The following OSBPL10 variants were observed in gnomAD, a reference collection of about 807,000 sequenced individuals.
The protein encoded by OSBPL10 is oxysterol binding protein like 10.
In OSBPL10, 49 loss-of-function variants were observed where a neutral mutation model predicts 81.7. The observed-to-expected ratio is 0.60, with a 90% CI of 0.48 to 0.76. OSBPL10 has a LOEUF of 0.76. Ranked by LOEUF, OSBPL10 falls within the 30% of genes least tolerant of loss-of-function variation. The probability of loss-of-function intolerance (pLI) is 0.00; values close to 1 mark genes in which losing one functional copy is unlikely to be tolerated. For missense variants in OSBPL10, 923 were observed against 987.8 expected (o/e 0.93, Z 0.88); for synonymous variants, 419 against 383.6 (o/e 1.09, Z -1.08).
At position 31,917,019 on chromosome 3, in the gene OSBPL10, AAAT is replaced by A. The variant is rs145035337; in HGVS notation, c.282-37192_282-37190del. Among the ~76,000 whole-genome samples the A allele has an allele frequency of 0.016, 2,462 of 152,314 alleles. 236 individuals are homozygous for A. In the East Asian group the frequency reaches 0.26, roughly 16 times the overall value. On this transcript the variant is annotated intron_variant, in intron 1 of 11. Transcript: ENST00000396556. Reference sequence around the variant, plus strand: ...AAGCCTCTCCAAAAGCATTTCTTCTAAATAATGTGAGGCTGTGCCTCCTTGCAT... The same window carrying A: ...AAGCCTCTCCAAAAGCATTTCTTCTAAATGTGAGGCTGTGCCTCCTTGCAT...
Position 31,980,928 on chromosome 3 carries a change from G to A in OSBPL10, c.252C>T (p.Tyr84=), listed in dbSNP as rs1278416950. The change falls in exon 1 of 12, where the codon TAC becomes TAT. Residue 84 remains tyrosine (Y), a synonymous_variant. Transcript: ENST00000396556. ...EPALEGVLSK[Y]TNLLQGWQNR... The stretch of plus-strand genomic sequence containing the variant: ...TCTGCCAGCCCTGGAGGAGGTTGGT[G>A]TATTTGCTGAGCACGCCCTCGAGCG... The A allele has an allele frequency of 2.5e-6, 4 of 1,581,008 alleles. No individual in the cohort carries two copies. The highest frequency in any genetic ancestry group is 3.4e-6 in the Non-Finnish European group (4 of 1,167,084).
At chr3:31,671,739 G>T in intron 8 of OSBPL10, among the ~76,000 whole-genome samples, 1 of 152,132 alleles carries the variant, frequency 6.6e-6, no homozygotes, top group Non-Finnish European at 1.5e-5. Context: ...TCCTCTCAAA[G>T]CAATGCAGAA....
intron 5 of OSBPL10, among the ~76,000 whole-genome samples, chr3:31,741,806 G>A (rs914526983): frequency 3.3e-5 from 5 of 152,024 alleles, no homozygotes; most frequent in South Asian, 4.2e-4. Flanking sequence ...TGAATCATGC[G>A]GCAGGTCTAT....
chr3:32,072,031 C>G (rs1037300673), intron 1 of OSBPL10, among the ~76,000 whole-genome samples: 2 of 152,106 alleles, frequency 1.3e-5, no homozygotes, highest in Non-Finnish European at 2.9e-5. Context: ...ACCACTCTGC[C>G]CCCCTCTACT....
chr3:31,871,494 G>T (rs528260444), intron 3 of OSBPL10, among the ~76,000 whole-genome samples: 1 of 152,214 alleles, frequency 6.6e-6, no homozygotes, highest in Non-Finnish European at 1.5e-5. Flanking sequence ...TGAAGTCAGT[G>T]AGACCAAGAA....
At chr3:31,675,921 G>A (rs1164099010) in intron 8 of OSBPL10, among the ~76,000 whole-genome samples, 1 of 147,250 alleles carries the variant, frequency 6.8e-6, no homozygotes, top group Non-Finnish European at 1.5e-5. Context: ...ACTGCAGCCT[G>A]GGCGACAGAG....
rs9860347 is a variant in OSBPL10 at position 31,817,726 on chromosome 3, T to A, written c.729+12314A>T. Among the ~76,000 whole-genome samples the A allele has an allele frequency of 3.3e-5, 5 of 152,066 alleles. No individual in the cohort carries two copies. In the South Asian group the frequency reaches 1.0e-3, roughly 32 times the overall value. On this transcript the variant is annotated intron_variant, in intron 4 of 11. Transcript: ENST00000396556. ...GCCTGGGTCTGGACTGCGGTTTGGG[T>A]GACTGCAGCAGCACCCGGGGAGCTC...
intron 7 of OSBPL10, among the ~76,000 whole-genome samples, chr3:31,695,467 T>G (rs1341189281): frequency 6.6e-6 from 1 of 152,134 alleles, no homozygotes; most frequent in Non-Finnish European, 1.5e-5. Context: ...CCTTGTGGTC[T>G]CACTTCCCTC....
At chr3:31,749,298 C>T (rs1348824536) in intron 4 of OSBPL10, among the ~76,000 whole-genome samples, 2 of 152,158 alleles carry the variant, frequency 1.3e-5, no homozygotes, top group Non-Finnish European at 2.9e-5. Flanking sequence ...TACCTGCTAT[C>T]GGCGATTACT....
At chr3:31,988,897 G>A (rs766098277) in intron 2 of OSBPL10, 1 of 712,234 alleles carries the variant, frequency 1.4e-6, no homozygotes, top group Non-Finnish European at 2.3e-6. Flanking sequence ...ACTGAGCCAG[G>A]AACACCCAGC....
chr3:31,715,084 C>G (rs1696391926), intron 6 of OSBPL10, among the ~76,000 whole-genome samples: 1 of 152,138 alleles, frequency 6.6e-6, no homozygotes, highest in Admixed American at 6.5e-5. Context: ...ACTTCCCCTC[C>G]CCTCCTAAAC....
chr3:31,663,182 G>A, intron 11 of OSBPL10: 1 of 985,452 alleles, frequency 1.0e-6, no homozygotes, highest in Non-Finnish European at 1.2e-6. Context: ...GCTAAGGAAA[G>A]CCCACAGATA....
At chr3:31,840,053 A>C in intron 3 of OSBPL10, among the ~76,000 whole-genome samples, 1 of 151,268 alleles carries the variant, frequency 6.6e-6, no homozygotes, top group African/African-American at 2.4e-5. Context: ...GCTTTTCATG[A>C]TTTATTCTAT....
At chr3:32,047,235 C>T (rs575976661) in intron 1 of OSBPL10, among the ~76,000 whole-genome samples, 81 of 152,178 alleles carry the variant, frequency 5.3e-4, no homozygotes, top group African/African-American at 1.9e-3. Context: ...CCTCAGCCTC[C>T]CAAAATGCTA....
At chr3:31,983,212 C>T (rs935800536), upstream of OSBPL10, among the ~76,000 whole-genome samples, 3 of 152,174 alleles carry the variant, frequency 2.0e-5, no homozygotes, top group African/African-American at 4.8e-5. Flanking sequence ...TTCATTGAGT[C>T]CTGCATTGAC....
chr3:31,847,194 C>CT (rs1165840077), intron 3 of OSBPL10, among the ~76,000 whole-genome samples: 76 of 144,988 alleles, frequency 5.2e-4, no homozygotes, highest in Admixed American at 6.2e-4. Context: ...CTCCCCATTC[C>CT]TTTTTTTTTT....
chr3:31,665,930 A>G (rs1478440131), intron 10 of OSBPL10, among the ~76,000 whole-genome samples: 2 of 152,186 alleles, frequency 1.3e-5, no homozygotes. Context: ...AGACAGGGTG[A>G]TGGGACCAGA....
At position 31,898,027 on chromosome 3, in the gene OSBPL10, AAAAAAAAAAAC is replaced by A. The variant is rs1475173043; in HGVS notation, c.282-18208_282-18198del. ...CTGTCAAAAAAAAAAAAAAAAAAAA[AAAAAAAAAAAC>A]AGAAGAAGAAGAGAAAGGAATGATA... On this transcript the variant is annotated intron_variant, in intron 1 of 11. Coordinates refer to ENST00000396556, the MANE Select transcript of OSBPL10 (RefSeq NM_017784.5). 1.6e-4 allele frequency among the ~76,000 whole-genome samples: 17 copies of A among 107,466 alleles called. No homozygotes were observed. In the East Asian group the frequency reaches 2.7e-3, roughly 17 times the overall value. The allele number at this position is 107,466 out of a possible 152,430, so 70.5% of individuals were successfully genotyped here. A position where few individuals can be genotyped will look rare whatever the true frequency, so the allele number is the denominator to read the frequency against.
intron 8 of OSBPL10, among the ~76,000 whole-genome samples, chr3:31,682,440 C>T (rs1700675822): frequency 6.6e-6 from 1 of 152,214 alleles, no homozygotes; most frequent in South Asian, 2.1e-4. Context: ...CATGGGCTTC[C>T]TGTCTCCATC....
Sources: allele counts gnomAD v4.1 joint callset (sites outside exome capture counted in the v4.1 genomes callset), GRCh38; gene constraint gnomAD v4.1.1; transcripts MANE v1.5; gene names NCBI Gene and HGNC (gene_info 2026-07-23, HGNC 2026-07-21).